The following DPP10 variants were observed in gnomAD, a reference collection of about 807,000 sequenced individuals.
DPP10 encodes the protein inactive dipeptidyl peptidase 10.
Under a neutral mutation model 120.9 loss-of-function variants are expected in DPP10, and 33 were observed. That is an observed-to-expected ratio of 0.27 (90% CI 0.21 to 0.37). DPP10 has a LOEUF of 0.37. DPP10 is among the 10% of genes least tolerant of loss of function. The pLI is 1.00. For missense variants in DPP10, 816 were observed against 942.8 expected (o/e 0.87, Z 1.76); for synonymous variants, 337 against 326.1 (o/e 1.03, Z -0.36).
chr2:115,141,935 G>A (rs2050950473), intron 1 of DPP10, among the ~76,000 whole-genome samples: 1 of 151,946 alleles, frequency 6.6e-6, no homozygotes, highest in South Asian at 2.1e-4. Context: ...CACTATGCCT[G>A]CCTAATTTTT....
intron 1 of DPP10, among the ~76,000 whole-genome samples, chr2:114,465,111 C>T (rs11685217): frequency 0.16 from 24,165 of 152,070 alleles, 2,004 homozygotes; most frequent in South Asian, 0.22. Flanking sequence ...TCAGAGACCT[C>T]GGTTCAGATT....
intron 10 of DPP10, among the ~76,000 whole-genome samples, chr2:115,747,680 G>A (rs1030722917): frequency 1.4e-5 from 2 of 147,128 alleles, no homozygotes; most frequent in African/African-American, 5.0e-5. Flanking sequence ...TACAAGCTCC[G>A]CCTCCCAGGT....
At chr2:114,790,915 G>T (rs1475716795) in intron 1 of DPP10, among the ~76,000 whole-genome samples, 1 of 152,246 alleles carries the variant, frequency 6.6e-6, no homozygotes, top group African/African-American at 2.4e-5. Flanking sequence ...TGGGCTCAGA[G>T]GCCTGACAAT....
chr2:114,764,849 A>G (rs997643251), intron 1 of DPP10, among the ~76,000 whole-genome samples: 1 of 152,148 alleles, frequency 6.6e-6, no homozygotes, highest in African/African-American at 2.4e-5. Context: ...TATGAATGCA[A>G]TTTTAGAGAA....
intron 1 of DPP10, among the ~76,000 whole-genome samples, chr2:114,906,690 A>C (rs570356123): frequency 6.6e-6 from 1 of 152,258 alleles, no homozygotes; most frequent in South Asian, 2.1e-4. Context: ...CCAACCTTGC[A>C]TCCTCAGGAT....
At chr2:115,064,531 G>A (rs1030535839) in intron 1 of DPP10, 2 of 535,382 alleles carry the variant, frequency 3.7e-6, no homozygotes, top group Admixed American at 7.4e-5. Context: ...CAAAAGTCTG[G>A]CTGATAGGGG....
At chr2:115,574,771 C>T (rs373859736) in intron 5 of DPP10, among the ~76,000 whole-genome samples, 21 of 152,270 alleles carry the variant, frequency 1.4e-4, no homozygotes, top group South Asian at 8.3e-4. Flanking sequence ...GAATTTACCT[C>T]GGGCATTGCA....
At chr2:115,442,141 T>C (rs995938481) in intron 3 of DPP10, among the ~76,000 whole-genome samples, 4 of 152,000 alleles carry the variant, frequency 2.6e-5, no homozygotes, top group African/African-American at 9.7e-5. Flanking sequence ...TTTGTTGCAT[T>C]GGTTAAGTTT....
At chr2:115,169,321 G>A (rs146083232) in intron 1 of DPP10, among the ~76,000 whole-genome samples, 46 of 152,130 alleles carry the variant, frequency 3.0e-4, no homozygotes, top group South Asian at 1.0e-3. Flanking sequence ...TAATGCTATC[G>A]TGCTTCTAGA....
rs759444726 is a variant in DPP10, at chr2:115,836,609, CT to C, written c.2109+45del. On this transcript the variant is annotated intron_variant, in intron 23 of 25. Transcript: ENST00000410059. The stretch of plus-strand genomic sequence containing the variant: ...ACAAAGAAAGAGGAGTATTTTTGTT[CT>C]AAAAAATTAGTTAAATGGCTTATTT... 5 of 1,607,192 alleles carry C rather than the reference CT, an allele frequency of 3.1e-6. No individual in the cohort carries two copies. The African/African-American group carries it at 6.8e-5, about 22-fold the overall frequency.
In DPP10 at chr2:115,180,918, C is replaced by CG. The variant is rs2054031867; in HGVS notation, c.61-128321_61-128320insG. 0.028 allele frequency among the ~76,000 whole-genome samples: 4 copies of CG among 142 alleles called. No individual in the cohort carries two copies. The South Asian group carries it at 0.33, about 12-fold the overall frequency. 0.1% of individuals were successfully genotyped at this position (142 alleles called of 152,430 possible). Reference sequence around the variant, plus strand: ...TCTCCCTCCCTCCATGCCTCCCTTCCTCCTGCCTCCCTCCCTTTCTTAAGC... The same window carrying CG: ...TCTCCCTCCCTCCATGCCTCCCTTCCGTCCTGCCTCCCTCCCTTTCTTAAGC... On this transcript the variant is annotated intron_variant, in intron 1 of 25. Coordinates refer to ENST00000410059, the MANE Select transcript of DPP10 (RefSeq NM_020868.6).
chr2:115,350,286 C>T (rs1217363827), intron 3 of DPP10, among the ~76,000 whole-genome samples: 1 of 152,038 alleles, frequency 6.6e-6, no homozygotes, highest in Non-Finnish European at 1.5e-5. Context: ...CTTGCATATA[C>T]ACACAAGTAT....
intron 1 of DPP10, among the ~76,000 whole-genome samples, chr2:114,535,418 G>A (rs140842748): frequency 2.0e-5 from 3 of 152,208 alleles, no homozygotes; most frequent in East Asian, 3.9e-4. Flanking sequence ...TCTCTACCTC[G>A]TAATTTCCTT....
chr2:114,752,821 C>G (rs906853245), intron 1 of DPP10, among the ~76,000 whole-genome samples: 1 of 152,112 alleles, frequency 6.6e-6, no homozygotes, highest in Non-Finnish European at 1.5e-5. Flanking sequence ...ATGGCAGTCA[C>G]AGGAAAGGAA....
chr2:114,632,217 A>C (rs933742658), intron 1 of DPP10, among the ~76,000 whole-genome samples: 9 of 152,110 alleles, frequency 5.9e-5, no homozygotes, highest in Admixed American at 3.3e-4. Flanking sequence ...CCACTTGGCT[A>C]ATATTGTTAC....
chr2:114,444,125 C>A (rs1417922175), intron 1 of DPP10, among the ~76,000 whole-genome samples: 2 of 152,096 alleles, frequency 1.3e-5, no homozygotes, highest in African/African-American at 2.4e-5. Flanking sequence ...ATAATTTACA[C>A]CACCTCTAAT....
intron 7 of DPP10, among the ~76,000 whole-genome samples, chr2:115,720,320 T>G (rs995175384): frequency 6.6e-6 from 1 of 152,144 alleles, no homozygotes; most frequent in South Asian, 2.1e-4. Flanking sequence ...AAATAAGCAC[T>G]TTTCATTTAT....
At chr2:114,665,084 A>G (rs1697817345) in intron 1 of DPP10, among the ~76,000 whole-genome samples, 1 of 152,228 alleles carries the variant, frequency 6.6e-6, no homozygotes, top group South Asian at 2.1e-4. Flanking sequence ...CTGAAATCGC[A>G]TAGGTCTCCT....
intron 1 of DPP10, among the ~76,000 whole-genome samples, chr2:114,512,738 T>C (rs1461590002): frequency 6.6e-6 from 1 of 152,182 alleles, no homozygotes; most frequent in African/African-American, 2.4e-5. Context: ...AGCATGAGCA[T>C]ATTTAGAACT....
Sources: allele counts gnomAD v4.1 joint callset (sites outside exome capture counted in the v4.1 genomes callset), GRCh38; gene constraint gnomAD v4.1.1; transcripts MANE v1.5; gene names NCBI Gene and HGNC (gene_info 2026-07-23, HGNC 2026-07-21).